The following ABLIM2 variants were observed in gnomAD, a reference collection of about 807,000 sequenced individuals.
The protein encoded by ABLIM2 is actin-binding LIM protein 2.
ABLIM2 carries 53 observed loss-of-function variants against 97.7 expected under a neutral mutation model. The ratio of observed to expected loss-of-function variants is 0.54; its 90% CI spans 0.44 to 0.68. ABLIM2 has a LOEUF of 0.68. ABLIM2 is among the 30% of genes least tolerant of loss of function. The pLI, the probability that ABLIM2 is intolerant of heterozygous loss-of-function variation, is 0.00. For missense variants in ABLIM2, 835 were observed against 867.2 expected (o/e 0.96, Z 0.47); for synonymous variants, 361 against 345.8 (o/e 1.04, Z -0.49).
chr4:8,130,802 C>G lies in ABLIM2; in HGVS notation c.11-24165G>C, dbSNP rs183283889. On this transcript the variant is annotated intron_variant, in intron 1 of 20. Transcript: ENST00000447017. This position sits in a 1 kb window ranked among gnomAD's most constrained non-coding sequence, Gnocchi z 4.2. The stretch of plus-strand genomic sequence containing the variant: ...GGAATACAAAATCGGTATCACTGGG[C>G]TGATGTCAAGGCAGCCCCAAGGCCG... Among the ~76,000 whole-genome samples the G allele has an allele frequency of 3.3e-3, 504 of 152,304 alleles. 1 individual carries two copies. Among genetic ancestry groups the G allele is most frequent in the African/African-American group, 0.012 (491 of 41,556 alleles).
intron 10 of ABLIM2, 138 bp from the exon 11 acceptor site, chr4:8,029,914 C>G (rs1779802561): frequency 9.0e-6 from 11 of 1,224,602 alleles, no homozygotes; most frequent in Non-Finnish European, 1.1e-5. Context: ...GTGGGAATCT[C>G]CTGCACCTGT....
rs148263784 is a variant in ABLIM2 at position 8,069,401 on chromosome 4, G to A, written c.675+8227C>T. Among the ~76,000 whole-genome samples the A allele has an allele frequency of 3.7e-3, 563 of 152,232 alleles. 4 individuals are homozygous for A. The highest frequency in any genetic ancestry group is 5.2e-3 in the Non-Finnish European group (357 of 68,032). ...CACTGCAGCGTGTCCAGGCTCGGAG[G>A]GTCCCACCACGAAGACAGTGATGAG... On this transcript the variant is annotated intron_variant, in intron 6 of 20. Coordinates refer to ENST00000447017, the MANE Select transcript of ABLIM2 (RefSeq NM_001130083.2). The surrounding 1 kb of genome is among the most constrained non-coding windows in gnomAD (Gnocchi z 4.2).
intron 8 of ABLIM2, among the ~76,000 whole-genome samples, chr4:8,045,797 A>G (rs956782185): frequency 2.0e-5 from 3 of 152,206 alleles, no homozygotes; most frequent in Admixed American, 6.5e-5. Flanking sequence ...GCACAGGCCA[A>G]GCCATTCTGC....
rs1270549168 is a variant in ABLIM2, at chr4:8,097,286, G to C, written c.155-4C>G. The C allele has an allele frequency of 1.3e-6, 2 of 1,556,502 alleles. No homozygotes were observed. Among genetic ancestry groups the C allele is most frequent in the Non-Finnish European group, 1.7e-6 (2 of 1,150,740 alleles). On this transcript the variant is annotated splice_region_variant and splice_polypyrimidine_tract_variant and intron_variant, in intron 2 of 20. Transcript: ENST00000447017. ...TCGGCCAGGTCGCAGCCACATGCTG[G>C]GGGAGGACGGGCGAGGTGGCGTTAG... is the stretch of plus-strand genomic sequence containing the variant.
rs1773791262 is a variant in ABLIM2 at position 8,021,626 on chromosome 4, C to A, written c.1268-1323G>T. ...TGTGCTGGGCCTGAAGGTGGACTGG[C>A]CAGGGACCCCACAGTGGACTCGTGA... On this transcript the variant is annotated intron_variant, in intron 12 of 20. Coordinates refer to ENST00000447017, the MANE Select transcript of ABLIM2 (RefSeq NM_001130083.2). This position sits in a 1 kb window ranked among gnomAD's most constrained non-coding sequence, Gnocchi z 5.5. 3.3e-5 allele frequency among the ~76,000 whole-genome samples: 5 copies of A among 152,194 alleles called. No individual in the cohort carries two copies. In the South Asian group the frequency reaches 1.0e-3, roughly 32 times the overall value.
chr4:8,106,913 C>A (rs1330158749), intron 1 of ABLIM2, among the ~76,000 whole-genome samples: 2 of 152,226 alleles, frequency 1.3e-5, no homozygotes. Context: ...CAGGGAGGGG[C>A]CCGTGCTTCT....
intron 12 of ABLIM2, 71 bp from the exon 13 acceptor site, chr4:8,020,374 G>T: frequency 7.2e-7 from 1 of 1,382,764 alleles, no homozygotes; most frequent in Non-Finnish European, 1.0e-6. Context: ...TTTCAAGCAT[G>T]AAAAGCTTAT....
intron 6 of ABLIM2, among the ~76,000 whole-genome samples, chr4:8,064,628 G>T (rs915363986): frequency 2.6e-5 from 4 of 152,172 alleles, no homozygotes; most frequent in Non-Finnish European, 5.9e-5. Flanking sequence ...CCGCACCCTC[G>T]TGTCCTGAAC....
rs1222061341 is a variant in ABLIM2, at chr4:8,044,478, T to C, written c.900+686A>G. Among the ~76,000 whole-genome samples, 3 of 151,844 alleles carry C rather than the reference T, an allele frequency of 2.0e-5. No homozygotes were observed. The highest frequency in any genetic ancestry group is 1.9e-4 in the East Asian group (1 of 5,172). On this transcript the variant is annotated intron_variant, in intron 9 of 20. Transcript: ENST00000447017. The surrounding 1 kb of genome is among the most constrained non-coding windows in gnomAD (Gnocchi z 4.4). Reference sequence around the variant, plus strand: ...ATACATATGTATATGTATGTATACATATATAAATTTAAATATACAATATTA... The same window carrying C: ...ATACATATGTATATGTATGTATACACATATAAATTTAAATATACAATATTA...
intron 3 of ABLIM2, among the ~76,000 whole-genome samples, chr4:8,088,769 G>C (rs1470829745): frequency 6.6e-6 from 1 of 152,190 alleles, no homozygotes; most frequent in Non-Finnish European, 1.5e-5. Context: ...GTAACCCCAC[G>C]CCATTCAACC....
Position 8,123,293 on chromosome 4 carries a change from G to C in ABLIM2, c.11-16656C>G, listed in dbSNP as rs2152889532. ...AGCCCCATCTCCAACTGGCATGAGAGGCGTTGTCACCCTCAGGCTGCAGGC... is the reference window on the plus strand; with the variant it reads ...AGCCCCATCTCCAACTGGCATGAGACGCGTTGTCACCCTCAGGCTGCAGGC... On this transcript the variant is annotated intron_variant, in intron 1 of 20. Transcript: ENST00000447017. The surrounding 1 kb of genome is among the most constrained non-coding windows in gnomAD (Gnocchi z 6.2). Among the ~76,000 whole-genome samples the C allele has an allele frequency of 6.6e-6, 1 of 152,316 alleles. No homozygotes were observed. Among genetic ancestry groups the C allele is most frequent in the East Asian group, 1.9e-4 (1 of 5,180 alleles).
rs547044955 is a variant in ABLIM2, at chr4:8,029,700, C to T, written c.1124G>A (p.Arg375His). The T allele has an allele frequency of 4.1e-5, 64 of 1,550,984 alleles. No individual in the cohort carries two copies. Among genetic ancestry groups the T allele is most frequent in the South Asian group, 2.0e-4 (17 of 84,060 alleles). The stretch of plus-strand genomic sequence containing the variant: ...TGGTGACCGTGAGGTCGGAGTGTAG[C>T]GCCCGAGGCTAACCGACCCAGTGGA... ...PSSTGSVSLG[R>H]YTPTSRSPQH... Residue 375 changes from arginine (R) to histidine (H), a missense_variant, in exon 11 of 21, where the codon CGC (arginine) becomes CAC (histidine). Arg to His is a conservative substitution (Grantham distance 29). Coordinates refer to ENST00000447017, the MANE Select transcript of ABLIM2 (RefSeq NM_001130083.2).
At chr4:7,995,979 C>A (rs1472055079) in intron 16 of ABLIM2, among the ~76,000 whole-genome samples, 1 of 152,104 alleles carries the variant, frequency 6.6e-6, no homozygotes, top group Non-Finnish European at 1.5e-5. Context: ...CCCCAGGATG[C>A]CAGACAAGGC....
intron 9 of ABLIM2, 110 bp downstream of exon 9, chr4:8,045,054 G>A: frequency 1.0e-6 from 1 of 971,552 alleles, no homozygotes. Context: ...TCAGGCCCCA[G>A]ATGATAGTTC....
In ABLIM2 at chr4:8,123,441, C is replaced by T. The variant is rs1846373933; in HGVS notation, c.11-16804G>A. Among the ~76,000 whole-genome samples the T allele has an allele frequency of 6.6e-6, 1 of 152,214 alleles. No individual in the cohort carries two copies. Among genetic ancestry groups the T allele is most frequent in the Non-Finnish European group, 1.5e-5 (1 of 68,046 alleles). ...AACTGGTTTTCTGCCTGTCTGCCCT[C>T]CCGTCTCCCCCTCAAATTCCTGACC... On this transcript the variant is annotated intron_variant, in intron 1 of 20. Transcript: ENST00000447017. The surrounding 1 kb of genome is among the most constrained non-coding windows in gnomAD (Gnocchi z 6.2).
intron 3 of ABLIM2, among the ~76,000 whole-genome samples, chr4:8,088,547 G>C (rs971019383): frequency 2.0e-5 from 3 of 152,226 alleles, no homozygotes; most frequent in African/African-American, 7.2e-5. Flanking sequence ...TGGTGGTGAG[G>C]ACCAGCTGAG....
intron 6 of ABLIM2, among the ~76,000 whole-genome samples, chr4:8,070,806 G>C (rs568614840): frequency 6.6e-6 from 1 of 152,286 alleles, no homozygotes; most frequent in African/African-American, 2.4e-5. Flanking sequence ...GAGGGAAGGA[G>C]GAGGGGAGGA....
At chr4:8,037,069 G>C (rs1784921458) in intron 9 of ABLIM2, among the ~76,000 whole-genome samples, 1 of 152,080 alleles carries the variant, frequency 6.6e-6, no homozygotes, top group Admixed American at 6.6e-5. Context: ...TGCAAATGTT[G>C]GGTAAATCGA....
chr4:8,069,743 T>C lies in ABLIM2; in HGVS notation c.675+7885A>G, dbSNP rs549302779. On this transcript the variant is annotated intron_variant, in intron 6 of 20. Transcript: ENST00000447017. This position sits in a 1 kb window ranked among gnomAD's most constrained non-coding sequence, Gnocchi z 4.2. ...GTCTCTGTGTCCATGTGTCCTTGTG[T>C]TGTCTGTGTACGTTTCGGTGTGTCC... is the stretch of plus-strand genomic sequence containing the variant. 1.3e-5 allele frequency among the ~76,000 whole-genome samples: 2 copies of C among 151,972 alleles called. No homozygotes were observed. Among genetic ancestry groups the C allele is most frequent in the Admixed American group, 1.3e-4 (2 of 15,274 alleles).
Sources: gnomAD v4.1 joint callset for allele counts (sites outside exome capture counted in the v4.1 genomes callset) on GRCh38, gnomAD v4.1.1 for gene constraint, Gnocchi (gnomAD v3.1) non-coding constraint, MANE v1.5 for transcripts, NCBI Gene and HGNC (gene_info 2026-07-23, HGNC 2026-07-21) for gene names.